Variants in KCNMA1 observed in about 807,000 individuals in gnomAD.
The protein encoded by KCNMA1 is potassium calcium-activated channel subfamily M alpha 1, also known as Calcium-activated potassium channel subunit alpha-1.
In KCNMA1, 29 loss-of-function variants were observed where a neutral mutation model predicts 140.0. The observed-to-expected ratio is 0.21, with a 90% confidence interval of 0.15 to 0.28. KCNMA1 has a LOEUF of 0.28. Ranked by LOEUF, KCNMA1 falls within the 10% of genes least tolerant of loss-of-function variation. The probability of loss-of-function intolerance (pLI) is 1.00; values close to 1 mark genes in which losing one functional copy is unlikely to be tolerated. For synonymous variants in KCNMA1, 612 were observed against 611.9 expected (o/e 1.00, Z 0.00); for missense variants, 880 against 1,602.2 (o/e 0.55, Z 7.70).
chr10:77,215,079 T>C (rs1357059251), intron 3 of KCNMA1, among the ~76,000 whole-genome samples: 1 of 152,204 alleles, frequency 6.6e-6, no homozygotes. Flanking sequence ...ATATCCAAGA[T>C]GGAAATCCTG....
intron 1 of KCNMA1, among the ~76,000 whole-genome samples, chr10:77,485,203 C>T (rs1489429744): frequency 6.6e-6 from 1 of 152,184 alleles, no homozygotes; most frequent in Non-Finnish European, 1.5e-5. Flanking sequence ...TATTTGTATG[C>T]CCATCATGCA....
intron 5 of KCNMA1, among the ~76,000 whole-genome samples, chr10:77,143,102 T>C (rs537107281): frequency 1.3e-5 from 2 of 152,012 alleles, no homozygotes; most frequent in South Asian, 4.2e-4. Context: ...TGAAACCTAA[T>C]AAGAGTATTA....
intron 16 of KCNMA1, chr10:77,025,508 C>A (rs1435057704): frequency 7.1e-7 from 1 of 1,412,076 alleles, no homozygotes; most frequent in Non-Finnish European, 9.9e-7. Flanking sequence ...GATAATAAAT[C>A]GACTGACACC....
At chr10:77,632,313 G>T (rs2093309787) in intron 1 of KCNMA1, among the ~76,000 whole-genome samples, 1 of 152,152 alleles carries the variant, frequency 6.6e-6, no homozygotes, top group African/African-American at 2.4e-5. Flanking sequence ...TGAGTGTCCT[G>T]GCCAAGAGAC....
At chr10:77,134,668 A>G (rs1564740386) in intron 5 of KCNMA1, among the ~76,000 whole-genome samples, 1 of 152,158 alleles carries the variant, frequency 6.6e-6, no homozygotes, top group Non-Finnish European at 1.5e-5. Flanking sequence ...GATTACATCA[A>G]ACTAAAAAGC....
intron 1 of KCNMA1, among the ~76,000 whole-genome samples, chr10:77,469,027 G>T (rs529504129): frequency 6.6e-6 from 1 of 151,978 alleles, no homozygotes; most frequent in African/African-American, 2.4e-5. Context: ...CACCCTCCCC[G>T]ACCACTTCGC....
chr10:77,129,794 GA>G lies in KCNMA1; in HGVS notation c.809-8747del, dbSNP rs75837720. Among the ~76,000 whole-genome samples, 2 of 151,586 alleles carry G rather than the reference GA, an allele frequency of 1.3e-5. 1 individual carries two copies. Among genetic ancestry groups the G allele is most frequent in the South Asian group, 4.2e-4 (2 of 4,814 alleles). ...AGTTCTGGCTGATCCAATAAAAAAA[GA>G]AAAAAATTATCCACAATGATATTCT... On this transcript the variant is annotated intron_variant, in intron 5 of 27. Transcript: ENST00000286628.
intron 2 of KCNMA1, among the ~76,000 whole-genome samples, chr10:77,261,693 A>G (rs1325978816): frequency 4.6e-5 from 7 of 152,204 alleles, no homozygotes; most frequent in Non-Finnish European, 7.3e-5. Context: ...ACATCATTGC[A>G]TCATAAAACT....
At chr10:77,166,069 G>C (rs1311103549) in intron 5 of KCNMA1, among the ~76,000 whole-genome samples, 1 of 152,192 alleles carries the variant, frequency 6.6e-6, no homozygotes, top group Non-Finnish European at 1.5e-5. Flanking sequence ...CGACACTTGT[G>C]TTTCCTATAG....
Position 77,106,918 on chromosome 10 carries a change from G to C in KCNMA1, c.1223+1563C>G, listed in dbSNP as rs539479221. On this transcript the variant is annotated intron_variant, in intron 9 of 27. Coordinates refer to ENST00000286628, the MANE Select transcript of KCNMA1 (RefSeq NM_001161352.2). ...GGCTCCATTAGAGGGAAGATGGAGG[G>C]ATGTGCTGCCTCCCGGAAAAGACGC... 7.9e-5 allele frequency among the ~76,000 whole-genome samples: 12 copies of C among 152,300 alleles called. 1 individual carries two copies. Among genetic ancestry groups the C allele is most frequent in the African/African-American group, 2.9e-4 (12 of 41,558 alleles).
chr10:76,964,211 G>T (rs188362479), intron 20 of KCNMA1, among the ~76,000 whole-genome samples: 3 of 151,866 alleles, frequency 2.0e-5, no homozygotes, highest in Admixed American at 2.0e-4. Flanking sequence ...TCTCAGGCCA[G>T]GCTGTAGCCA....
At chr10:77,311,571 C>T (rs2079299012) in intron 2 of KCNMA1, among the ~76,000 whole-genome samples, 1 of 152,152 alleles carries the variant, frequency 6.6e-6, no homozygotes, top group Admixed American at 6.5e-5. Flanking sequence ...CAGCTCTGAA[C>T]TTTGTTTTTA....
At chr10:77,575,620 G>A (rs957572528) in intron 1 of KCNMA1, among the ~76,000 whole-genome samples, 4 of 152,194 alleles carry the variant, frequency 2.6e-5, no homozygotes, top group Non-Finnish European at 5.9e-5. Flanking sequence ...AGCTGAGAAC[G>A]CTGAGATTTA....
At chr10:77,037,949 C>T (rs2094441578) in intron 15 of KCNMA1, among the ~76,000 whole-genome samples, 1 of 152,116 alleles carries the variant, frequency 6.6e-6, no homozygotes, top group South Asian at 2.1e-4. Flanking sequence ...AAATAGCTCT[C>T]AAAGAAAGGC....
At chr10:76,916,909 A>G (rs905619757) in intron 23 of KCNMA1, among the ~76,000 whole-genome samples, 1 of 152,224 alleles carries the variant, frequency 6.6e-6, no homozygotes, top group Admixed American at 6.5e-5. Flanking sequence ...ACTTTCAAAA[A>G]GAAAGACAAA....
intron 1 of KCNMA1, among the ~76,000 whole-genome samples, chr10:77,568,470 C>T (rs1168281674): frequency 1.5e-4 from 23 of 150,040 alleles, no homozygotes; most frequent in East Asian, 3.9e-4. Context: ...ATAAACAGAA[C>T]CAAAGACAAA....
intron 1 of KCNMA1, among the ~76,000 whole-genome samples, chr10:77,588,556 G>A (rs75476557): frequency 1.3e-5 from 2 of 152,302 alleles, no homozygotes; most frequent in East Asian, 1.9e-4. Context: ...TGAGAGCAGA[G>A]AATTTTAGAC....
chr10:77,344,224 T>A (rs1005746914), intron 2 of KCNMA1, among the ~76,000 whole-genome samples: 3 of 152,142 alleles, frequency 2.0e-5, no homozygotes, highest in Non-Finnish European at 4.4e-5. Context: ...GACAGCAGAG[T>A]TGCGTGAGGG....
At chr10:77,022,821 G>T (rs750684019) in intron 16 of KCNMA1, 1 of 263,792 alleles carries the variant, frequency 3.8e-6, no homozygotes, top group African/African-American at 2.3e-5. Flanking sequence ...CAGTCAGGCC[G>T]ATTAAAGGAG....
Sources: gnomAD v4.1 joint callset for allele counts (sites outside exome capture counted in the v4.1 genomes callset) on GRCh38, gnomAD v4.1.1 for gene constraint, MANE v1.5 for transcripts, NCBI Gene and HGNC (gene_info 2026-07-23, HGNC 2026-07-21) for gene names.